LUZP2: variants seen among roughly 807,000 people sequenced by gnomAD.
LUZP2 encodes the protein leucine zipper protein 2.
LUZP2 carries 52 observed loss-of-function variants against 51.6 expected under a neutral mutation model. The ratio of observed to expected loss-of-function variants is 1.01; its 90% CI spans 0.81 to 1.27. The LOEUF (loss-of-function observed/expected upper bound fraction) is 1.27, where lower values mean the gene tolerates loss of function less well. Among genes scored for constraint, LUZP2 ranks in the 50% most tolerant of loss-of-function variants. LUZP2 has a pLI of 0.00. For missense variants in LUZP2, 436 were observed against 395.4 expected, an observed-to-expected ratio of 1.10 and a Z score of -0.87; for synonymous variants, 154 against 137.3, an observed-to-expected ratio of 1.12 and a Z score of -0.85.
intron 9 of LUZP2, among the ~76,000 whole-genome samples, chr11:24,986,438 T>C (rs575160648): frequency 6.6e-6 from 1 of 151,522 alleles, no homozygotes; most frequent in Non-Finnish European, 1.5e-5. Context: ...AATGACATCA[T>C]GTTATCAGAT....
intron 1 of LUZP2, among the ~76,000 whole-genome samples, chr11:24,725,662 A>G (rs1056542551): frequency 6.6e-6 from 1 of 152,170 alleles, no homozygotes; most frequent in Admixed American, 6.5e-5. Context: ...ACAATGAACT[A>G]AAACCCAGAG....
Position 24,983,228 on chromosome 11 carries a change from A to G in LUZP2, c.700A>G (p.Thr234Ala). 1 of 1,612,210 alleles carries G rather than the reference A, an allele frequency of 6.2e-7. No homozygotes were observed. The highest frequency in any genetic ancestry group is 8.5e-7 in the Non-Finnish European group (1 of 1,178,846). The change falls in exon 9 of 12, where the codon ACT (threonine) becomes GCT (alanine). Residue 234 changes from threonine (T) to alanine (A), a missense_variant. Thr to Ala is a moderately conservative substitution (Grantham distance 58). Transcript: ENST00000336930. ...PPLSLITSNP[T>A]RMLLPPRNIA... The stretch of plus-strand genomic sequence containing the variant: ...TTTGAGTTTAATCACATCAAATCCA[A>G]CTCGGATGTTACTCCCACCCAGGAA...
At chr11:24,989,689 G>A (rs1429440347) in intron 9 of LUZP2, among the ~76,000 whole-genome samples, 2 of 151,964 alleles carry the variant, frequency 1.3e-5, no homozygotes, top group South Asian at 2.1e-4. Flanking sequence ...ACTGGGATAC[G>A]GTGAAACTGA....
chr11:24,756,561 C>A (rs946579284), intron 4 of LUZP2, among the ~76,000 whole-genome samples: 6 of 152,124 alleles, frequency 3.9e-5, no homozygotes, highest in African/African-American at 1.4e-4. Flanking sequence ...ATTTCTCTTT[C>A]CGAGCTGTGT....
chr11:24,772,778 A>G (rs1007719), intron 5 of LUZP2, among the ~76,000 whole-genome samples: 101,734 of 151,872 alleles, frequency 0.67, 34,173 homozygotes, highest in African/African-American at 0.71. Context: ...AATCCATGTC[A>G]CTCTTTGGCT....
At chr11:24,561,942 A>C (rs1394406138) in intron 1 of LUZP2, among the ~76,000 whole-genome samples, 1 of 152,194 alleles carries the variant, frequency 6.6e-6, no homozygotes, top group Admixed American at 6.5e-5. Flanking sequence ...GAAGACAGAT[A>C]GGAAAGGCAG....
intron 1 of LUZP2, among the ~76,000 whole-genome samples, chr11:24,633,543 T>C (rs1486814775): frequency 6.6e-6 from 1 of 152,074 alleles, no homozygotes. Flanking sequence ...AGTTGTATTT[T>C]AGTATATTTT....
At chr11:25,071,025 G>A (rs1269029927) in intron 10 of LUZP2, among the ~76,000 whole-genome samples, 2 of 151,748 alleles carry the variant, frequency 1.3e-5, no homozygotes, top group Admixed American at 6.6e-5. Context: ...AAACTGACAC[G>A]AAACCATTCG....
At chr11:24,730,900 G>A (rs1358986025) in intron 2 of LUZP2, among the ~76,000 whole-genome samples, 1 of 151,754 alleles carries the variant, frequency 6.6e-6, no homozygotes, top group East Asian at 1.9e-4. Context: ...TTTTTTGGCT[G>A]CCATTGTGCA....
intron 3 of LUZP2, among the ~76,000 whole-genome samples, chr11:24,735,299 GAT>G (rs1858891937): frequency 6.6e-6 from 1 of 151,854 alleles, no homozygotes; most frequent in Non-Finnish European, 1.5e-5. Flanking sequence ...ATTCATAGGA[GAT>G]TCCCCAGGTG....
At chr11:24,646,396 T>C (rs1855463638) in intron 1 of LUZP2, among the ~76,000 whole-genome samples, 1 of 152,250 alleles carries the variant, frequency 6.6e-6, no homozygotes, top group Middle Eastern at 3.4e-3. Flanking sequence ...TTTAGTTTAC[T>C]TACTTAAACA....
intron 9 of LUZP2, among the ~76,000 whole-genome samples, chr11:25,015,677 A>G (rs979748551): frequency 2.0e-5 from 3 of 152,114 alleles, no homozygotes; most frequent in Non-Finnish European, 4.4e-5. Context: ...ACATTTGCCA[A>G]CATCCCACCA....
chr11:24,990,876 C>T (rs1433806516), intron 9 of LUZP2, among the ~76,000 whole-genome samples: 4 of 152,028 alleles, frequency 2.6e-5, no homozygotes, highest in African/African-American at 7.2e-5. Context: ...TTCTACCCCC[C>T]TTTCATGGGT....
intron 1 of LUZP2, among the ~76,000 whole-genome samples, chr11:24,567,966 A>G (rs975069228): frequency 5.3e-5 from 8 of 152,274 alleles, no homozygotes; most frequent in East Asian, 1.9e-4. Flanking sequence ...CTTCTCACCA[A>G]CTTAATAAAA....
intron 1 of LUZP2, among the ~76,000 whole-genome samples, chr11:24,674,672 A>G (rs1856491233): frequency 6.6e-6 from 1 of 152,080 alleles, no homozygotes; most frequent in South Asian, 2.1e-4. Flanking sequence ...CTGTATTCCT[A>G]AACAACAAAA....
In LUZP2 at chr11:24,497,254, G is replaced by T; in HGVS notation, c.11G>T (p.Ser4Ile). The change falls in exon 1 of 12, where the codon AGC becomes ATC. Residue 4 changes from serine (S) to isoleucine (I), a missense_variant. Transcript: ENST00000336930. Reference sequence around the variant, plus strand: ...CCGGCAGGCAGCAGCATGAAATTCAGCCCAGCGCACTACCTGCTGCCTCTC... The same window carrying T: ...CCGGCAGGCAGCAGCATGAAATTCATCCCAGCGCACTACCTGCTGCCTCTC... MKF[S>I]PAHYLLPLLP... The T allele has an allele frequency of 1.3e-6, 2 of 1,563,514 alleles. No individual in the cohort carries two copies. The highest frequency in any genetic ancestry group is 1.7e-6 in the Non-Finnish European group (2 of 1,152,982).
intron 1 of LUZP2, among the ~76,000 whole-genome samples, chr11:24,566,560 G>A (rs1168520295): frequency 6.9e-6 from 1 of 144,260 alleles, no homozygotes; most frequent in South Asian, 2.2e-4. Flanking sequence ...ATATGTATGT[G>A]TATATATATC....
chr11:24,551,359 T>A (rs61875612), intron 1 of LUZP2, among the ~76,000 whole-genome samples: 29,299 of 152,016 alleles, frequency 0.19, 3,450 homozygotes, highest in Middle Eastern at 0.36. Flanking sequence ...ATTGTATTAT[T>A]CATTTTTGAA....
At chr11:25,007,889 G>A (rs1182376321) in intron 9 of LUZP2, among the ~76,000 whole-genome samples, 2 of 152,182 alleles carry the variant, frequency 1.3e-5, no homozygotes, top group Non-Finnish European at 2.9e-5. Flanking sequence ...ACATTGGTCA[G>A]AAATTACTAT....
Sources: gnomAD v4.1 joint callset for allele counts (sites outside exome capture counted in the v4.1 genomes callset) on GRCh38, gnomAD v4.1.1 for gene constraint, MANE v1.5 for transcripts, NCBI Gene and HGNC (gene_info 2026-07-23, HGNC 2026-07-21) for gene names.